BNIP2: variants seen among roughly 807,000 people sequenced by gnomAD.
The protein encoded by BNIP2 is BCL2 interacting protein 2.
A neutral mutation model predicts 43.4 loss-of-function variants in BNIP2; 36 were observed. That is an observed-to-expected ratio of 0.83 (90% confidence interval 0.64 to 1.10). The LOEUF (loss-of-function observed/expected upper bound fraction) is 1.10. Ranked by LOEUF, BNIP2 falls within the 50% of genes least tolerant of loss-of-function variation. The pLI, the probability that BNIP2 is intolerant of heterozygous loss-of-function variation, is 0.00. For missense variants in BNIP2, 417 were observed against 374.1 expected (o/e 1.11, Z -0.95); for synonymous variants, 146 against 121.0 (o/e 1.21, Z -1.35).
In BNIP2 at chr15:59,676,858, T is replaced by G. The variant is rs183149974; in HGVS notation, c.472+1053A>C. 3.3e-4 allele frequency: 522 copies of G among 1,577,072 alleles called. 1 individual carries two copies. The highest frequency in any genetic ancestry group is 2.5e-3 in the African/African-American group (188 of 74,060). ...GCCGGGAATTCTGCCTCAGCTGCCC[T>G]GGGCTCTCGCTGCGTTCGCTCACCG... On this transcript the variant is annotated intron_variant, in intron 5 of 9. Transcript: ENST00000607373.
chr15:59,665,857 CTCA>C (rs1444060883), intron 9 of BNIP2, among the ~76,000 whole-genome samples: 2 of 152,154 alleles, frequency 1.3e-5, no homozygotes, highest in East Asian at 3.9e-4. Flanking sequence ...TGTTTTTATT[CTCA>C]TCACCCATTA....
At chr15:59,666,494 C>A (rs920737842) in intron 9 of BNIP2, among the ~76,000 whole-genome samples, 1 of 152,104 alleles carries the variant, frequency 6.6e-6, no homozygotes, top group Non-Finnish European at 1.5e-5. Context: ...TGGTGAAACC[C>A]AGTCTCTACT....
intron 1 of BNIP2, among the ~76,000 whole-genome samples, chr15:59,687,642 A>C (rs551709319): frequency 1.3e-5 from 2 of 152,084 alleles, no homozygotes; most frequent in South Asian, 4.1e-4. Context: ...CAAAGTAACA[A>C]GACATCTTTC....
In BNIP2 at chr15:59,671,213, A is replaced by G. The variant is rs1327956819; in HGVS notation, c.677T>C (p.Leu226Pro). Residue 226 changes from leucine (L) to proline (P), a missense_variant, in exon 7 of 10, where the codon CTC becomes CCC. Transcript: ENST00000607373. Reference sequence around the variant, plus strand: ...ATCAATTTGCTGATAACATTTCCTGAGCCATCCCAGACTGGGCATTTTTCT... The same window carrying G: ...ATCAATTTGCTGATAACATTTCCTGGGCCATCCCAGACTGGGCATTTTTCT... Reference protein sequence around the residue: ...TRRKMPSLGWLRKCYQQIDRR... With the variant: ...TRRKMPSLGWPRKCYQQIDRR... 1 of 1,601,578 alleles carries G rather than the reference A, an allele frequency of 6.2e-7. No individual in the cohort carries two copies. Among genetic ancestry groups the G allele is most frequent in the Non-Finnish European group, 8.5e-7 (1 of 1,173,180 alleles).
chr15:59,687,641 A>T (rs2142026073), intron 1 of BNIP2, among the ~76,000 whole-genome samples: 1 of 152,126 alleles, frequency 6.6e-6, no homozygotes, highest in South Asian at 2.1e-4. Context: ...CCAAAGTAAC[A>T]AGACATCTTT....
Position 59,662,808 on chromosome 15 carries a change from TATCAG to T in BNIP2, c.*1256_*1260del, listed in dbSNP as rs1183931175. 1 of 152,224 alleles carries T rather than the reference TATCAG, an allele frequency of 6.6e-6. No individual in the cohort carries two copies. The highest frequency in any genetic ancestry group is 1.5e-5 in the Non-Finnish European group (1 of 68,038). 9.4% of individuals were successfully genotyped at this position (152,224 alleles called of 1,614,324 possible). A position where few individuals can be genotyped will look rare whatever the true frequency, so the allele number is the denominator to read the frequency against. ...TGAGCCTTTCAAGTATATGACACAA[TATCAG>T]ATCAATCTGTTGTTTTAGAAATAAT... On this transcript the variant is annotated 3_prime_UTR_variant, in exon 10 of 10. Coordinates refer to ENST00000607373, the MANE Select transcript of BNIP2 (RefSeq NM_004330.4).
chr15:59,671,232 T>C lies in BNIP2; in HGVS notation c.658A>G (p.Met220Val), dbSNP rs1892886234. The C allele has an allele frequency of 1.9e-6, 3 of 1,602,180 alleles. No homozygotes were observed. The highest frequency in any genetic ancestry group is 2.6e-6 in the Non-Finnish European group (3 of 1,173,504). Reference protein sequence around the residue: ...YLNGATTRRKMPSLGWLRKCY... With the variant: ...YLNGATTRRKVPSLGWLRKCY... ...TTCCTGAGCCATCCCAGACTGGGCA[T>C]TTTTCTTCGAGTTGTTGCACCATTT... The change falls in exon 7 of 10, where the codon ATG (methionine) becomes GTG (valine). Residue 220 changes from methionine (M) to valine (V), a missense_variant. Met to Val is a conservative substitution (Grantham distance 21, BLOSUM62 1). Coordinates refer to ENST00000607373, the MANE Select transcript of BNIP2 (RefSeq NM_004330.4).
intron 3 of BNIP2, among the ~76,000 whole-genome samples, 165 bp from the exon 4 acceptor site, chr15:59,679,933 C>G (rs538786971): frequency 3.2e-4 from 49 of 152,244 alleles, no homozygotes; most frequent in African/African-American, 1.1e-3. Flanking sequence ...ATTATTGCTT[C>G]TACATCGTTG....
At chr15:59,685,016 G>C (rs1248176794) in intron 1 of BNIP2, among the ~76,000 whole-genome samples, 7 of 152,104 alleles carry the variant, frequency 4.6e-5, no homozygotes, top group Non-Finnish European at 8.8e-5. Context: ...ACATGAATAG[G>C]ATTTGTCATG....
At chr15:59,667,667 C>T (rs376890524) in intron 9 of BNIP2, among the ~76,000 whole-genome samples, 16 of 152,160 alleles carry the variant, frequency 1.1e-4, no homozygotes, top group African/African-American at 3.9e-4. Flanking sequence ...AGTATATATG[C>T]ATTGCAAATA....
At chr15:59,680,208 T>C (rs1893574463) in intron 3 of BNIP2, 33 bp downstream of exon 3, 21 of 1,436,132 alleles carry the variant, frequency 1.5e-5, no homozygotes, top group Non-Finnish European at 1.9e-5. Context: ...ACAAAGTCCA[T>C]AATTTCAATG....
intron 5 of BNIP2, among the ~76,000 whole-genome samples, chr15:59,674,109 A>C (rs1363064917): frequency 3.3e-5 from 5 of 151,526 alleles, no homozygotes; most frequent in Non-Finnish European, 7.4e-5. Flanking sequence ...AACAAAAACA[A>C]AAACAAAAAA....
chr15:59,686,966 G>C (rs1368581039), intron 1 of BNIP2, among the ~76,000 whole-genome samples: 1 of 152,176 alleles, frequency 6.6e-6, no homozygotes, highest in African/African-American at 2.4e-5. Flanking sequence ...GCAGTGAGCC[G>C]AGATTGCGCC....
In BNIP2 at chr15:59,689,315, C is replaced by A; in HGVS notation, c.-238G>T. ...CGTCGGCGGCAGCAGCTGACCCGGACACAGTGAGAAGCCCCGGCGGAAGTG... is the reference window on the plus strand; with the variant it reads ...CGTCGGCGGCAGCAGCTGACCCGGAAACAGTGAGAAGCCCCGGCGGAAGTG... On this transcript the variant is annotated 5_prime_UTR_variant, in exon 1 of 10. Coordinates refer to ENST00000607373, the MANE Select transcript of BNIP2 (RefSeq NM_004330.4). 1 of 1,547,618 alleles carries A rather than the reference C, an allele frequency of 6.5e-7. No homozygotes were observed. The highest frequency in any genetic ancestry group is 8.7e-7 in the Non-Finnish European group (1 of 1,145,892).
intron 2 of BNIP2, among the ~76,000 whole-genome samples, chr15:59,681,157 T>C (rs1893641922): frequency 6.6e-6 from 1 of 152,162 alleles, no homozygotes; most frequent in South Asian, 2.1e-4. Flanking sequence ...ATATTTACTA[T>C]CACCACCATA....
At chr15:59,677,788 T>A in intron 5 of BNIP2, 123 bp downstream of exon 5, 1 of 1,272,310 alleles carries the variant, frequency 7.9e-7, no homozygotes, top group Admixed American at 3.0e-5. Context: ...AAGACGAGTC[T>A]CTCAACCTAG....
In BNIP2 at chr15:59,668,775, C is replaced by T. The variant is rs549965381; in HGVS notation, c.893+117G>A. 32 of 845,918 alleles carry T rather than the reference C, an allele frequency of 3.8e-5. 1 individual carries two copies. Among genetic ancestry groups the T allele is most frequent in the Admixed American group, 2.9e-4 (9 of 31,020 alleles). The allele number at this position is 845,918 out of a possible 1,614,324, so 52.4% of individuals were successfully genotyped here. On this transcript the variant is annotated intron_variant, in intron 9 of 9. Coordinates refer to ENST00000607373, the MANE Select transcript of BNIP2 (RefSeq NM_004330.4). ...TCTTTGTTACACACACACACACACGCGCGCGCGCGCACAGTTATAAAATAT... is the reference window on the plus strand; with the variant it reads ...TCTTTGTTACACACACACACACACGTGCGCGCGCGCACAGTTATAAAATAT...
Position 59,689,140 on chromosome 15 carries a change from A to G in BNIP2, c.-63T>C. 2.0e-6 allele frequency: 3 copies of G among 1,536,794 alleles called. No homozygotes were observed. Among genetic ancestry groups the G allele is most frequent in the Non-Finnish European group, 1.7e-6 (2 of 1,146,274 alleles). On this transcript the variant is annotated 5_prime_UTR_variant, in exon 1 of 10. Transcript: ENST00000607373. The stretch of plus-strand genomic sequence containing the variant: ...TTCTCCCAGGCCGCACTCACCCCGG[A>G]GGAAGCCTTGGCCCCCTCGTCCTCT...
intron 2 of BNIP2, among the ~76,000 whole-genome samples, chr15:59,680,807 T>G (rs1276031786): frequency 6.6e-6 from 1 of 152,190 alleles, no homozygotes; most frequent in Non-Finnish European, 1.5e-5. Context: ...GACCGGATAT[T>G]GCTATGTTGC....
Sources: gnomAD v4.1 joint callset for allele counts (sites outside exome capture counted in the v4.1 genomes callset) on GRCh38, gnomAD v4.1.1 for gene constraint, MANE v1.5 for transcripts, NCBI Gene and HGNC (gene_info 2026-07-23, HGNC 2026-07-21) for gene names.